TYW1: variants seen among roughly 807,000 people sequenced by gnomAD.
TYW1 encodes S-adenosyl-L-methionine-dependent tRNA 4-demethylwyosine synthase TYW1.
Under a neutral mutation model 96.2 loss-of-function variants are expected in TYW1, and 46 were observed. The observed-to-expected ratio is 0.48, with a 90% CI of 0.38 to 0.61. The LOEUF (loss-of-function observed/expected upper bound fraction) is 0.61, where lower values mean the gene tolerates loss of function less well. Among genes scored for constraint, TYW1 ranks in the 20% least tolerant of loss-of-function variants. The probability of loss-of-function intolerance (pLI) is 0.00; values close to 1 mark genes in which losing one functional copy is unlikely to be tolerated. For missense variants in TYW1, 684 were observed against 909.6 expected, an observed-to-expected ratio of 0.75 and a Z score of 3.19; for synonymous variants, 274 against 323.0, an observed-to-expected ratio of 0.85 and a Z score of 1.63.
chr7:67,220,009 C>T (rs1801332963), intron 15 of TYW1, among the ~76,000 whole-genome samples: 1 of 150,252 alleles, frequency 6.7e-6, no homozygotes. Context: ...GTGTTTATAG[C>T]TATAAGTTCT....
At chr7:67,146,233 T>G in intron 13 of TYW1, among the ~76,000 whole-genome samples, 1 of 152,332 alleles carries the variant, frequency 6.6e-6, no homozygotes, top group African/African-American at 2.4e-5. Context: ...ATAGATTGCC[T>G]TCCTCCAATA....
At chr7:67,167,879 C>T (rs1584645965) in intron 13 of TYW1, among the ~76,000 whole-genome samples, 2 of 151,956 alleles carry the variant, frequency 1.3e-5, no homozygotes, top group Admixed American at 1.3e-4. Flanking sequence ...CTCAGCCTCC[C>T]AAGTAGCTGG....
At chr7:67,072,781 A>G (rs1796068912) in intron 10 of TYW1, among the ~76,000 whole-genome samples, 1 of 151,960 alleles carries the variant, frequency 6.6e-6, no homozygotes, top group South Asian at 2.1e-4. Context: ...TGGCCACAAT[A>G]CTATCATCCC....
chr7:67,120,590 G>A (rs537840964), intron 13 of TYW1, among the ~76,000 whole-genome samples: 14 of 152,312 alleles, frequency 9.2e-5, no homozygotes, highest in African/African-American at 2.4e-4. Context: ...AGCGGTCTTG[G>A]ATTTACATAG....
intron 13 of TYW1, among the ~76,000 whole-genome samples, chr7:67,182,514 G>A (rs1425387340): frequency 6.7e-6 from 1 of 148,696 alleles, no homozygotes; most frequent in Non-Finnish European, 1.5e-5. Context: ...TGGTGAGTTA[G>A]GATTGCACCA....
chr7:67,142,482 G>A lies in TYW1; in HGVS notation c.1698+24864G>A, dbSNP rs182290698. Among the ~76,000 whole-genome samples the A allele has an allele frequency of 3.3e-5, 5 of 151,972 alleles. No individual in the cohort carries two copies. The South Asian group carries it at 1.0e-3, about 32-fold the overall frequency. On this transcript the variant is annotated intron_variant, in intron 13 of 15. Coordinates refer to ENST00000359626, the MANE Select transcript of TYW1 (RefSeq NM_018264.4). Reference sequence around the variant, plus strand: ...CTCGCTCTGTCACCCAGTCTGGAGTGCAGTGGCATGATCTCAGCTCACTGA... The same window carrying A: ...CTCGCTCTGTCACCCAGTCTGGAGTACAGTGGCATGATCTCAGCTCACTGA...
intron 14 of TYW1, among the ~76,000 whole-genome samples, chr7:67,187,049 TA>T (rs1800047644): frequency 7.5e-6 from 1 of 133,022 alleles, no homozygotes; most frequent in Non-Finnish European, 1.5e-5. Flanking sequence ...TAACCACAAT[TA>T]AATTTTTTTT....
At chr7:67,081,220 C>CTTT (rs59852863) in intron 10 of TYW1, among the ~76,000 whole-genome samples, 1 of 120,174 alleles carries the variant, frequency 8.3e-6, no homozygotes, top group Non-Finnish European at 1.7e-5. Context: ...GCTTGGTGGT[C>CTTT]TTTTTTTTTT....
At chr7:67,122,279 C>G (rs988859702) in intron 13 of TYW1, among the ~76,000 whole-genome samples, 3 of 152,198 alleles carry the variant, frequency 2.0e-5, no homozygotes, top group African/African-American at 7.2e-5. Flanking sequence ...TTAGGATACT[C>G]TGACCTGACA....
intron 1 of TYW1, among the ~76,000 whole-genome samples, chr7:66,997,729 A>G (rs939340698): frequency 2.0e-5 from 3 of 146,474 alleles, no homozygotes; most frequent in Non-Finnish European, 4.4e-5. Flanking sequence ...CCCAGGTTCA[A>G]ACAGTTCTCC....
chr7:67,176,439 T>C (rs1335036755), intron 13 of TYW1, among the ~76,000 whole-genome samples: 3 of 152,194 alleles, frequency 2.0e-5, no homozygotes, highest in Non-Finnish European at 4.4e-5. Flanking sequence ...AGACTACACT[T>C]GATCTTAGCC....
chr7:67,083,245 T>C (rs1270880201), intron 10 of TYW1, among the ~76,000 whole-genome samples, 185 bp from the exon 11 acceptor site: 1 of 152,210 alleles, frequency 6.6e-6, no homozygotes, highest in Non-Finnish European at 1.5e-5. Context: ...GATTTCTCTA[T>C]TCACCCCTCT....
At chr7:67,097,605 C>T (rs1796961017) in intron 11 of TYW1, among the ~76,000 whole-genome samples, 1 of 152,138 alleles carries the variant, frequency 6.6e-6, no homozygotes. Context: ...CACCATGTTG[C>T]CAGGCTGGTG....
chr7:67,022,811 GAGA>G (rs1461601389), intron 6 of TYW1, among the ~76,000 whole-genome samples: 16 of 152,306 alleles, frequency 1.1e-4, no homozygotes, highest in African/African-American at 3.4e-4. Flanking sequence ...AAGCAAGGCA[GAGA>G]AGACTACTCA....
At chr7:67,110,558 T>C (rs1344909422) in intron 12 of TYW1, among the ~76,000 whole-genome samples, 1 of 152,154 alleles carries the variant, frequency 6.6e-6, no homozygotes, top group Non-Finnish European at 1.5e-5. Flanking sequence ...ATATCGAATT[T>C]ACCAAATTAT....
intron 3 of TYW1, among the ~76,000 whole-genome samples, chr7:67,005,258 C>T (rs572094730): frequency 5.5e-4 from 83 of 152,202 alleles, no homozygotes; most frequent in African/African-American, 1.8e-3. Flanking sequence ...GGCCATCTTA[C>T]GTAATATCTC....
intron 7 of TYW1, among the ~76,000 whole-genome samples, chr7:67,035,574 C>T (rs1176983612): frequency 6.6e-6 from 1 of 152,126 alleles, no homozygotes; most frequent in East Asian, 1.9e-4. Context: ...ACAGAGCTCC[C>T]TGAAAGCTTT....
At chr7:67,048,057 G>A (rs1795242909) in intron 7 of TYW1, among the ~76,000 whole-genome samples, 1 of 141,316 alleles carries the variant, frequency 7.1e-6, no homozygotes, top group African/African-American at 2.6e-5. Flanking sequence ...CATAGTGCTC[G>A]GATTATAGGC....
intron 15 of TYW1, among the ~76,000 whole-genome samples, chr7:67,213,648 A>C (rs1374996780): frequency 6.6e-6 from 1 of 152,156 alleles, no homozygotes; most frequent in Non-Finnish European, 1.5e-5. Context: ...TATTTTCTAG[A>C]AGTTTTATGT....
Sources: allele counts gnomAD v4.1 joint callset (sites outside exome capture counted in the v4.1 genomes callset), GRCh38; gene constraint gnomAD v4.1.1; transcripts MANE v1.5; gene names NCBI Gene and HGNC (gene_info 2026-07-23, HGNC 2026-07-21).